The following EIF2AK3 variants were observed in gnomAD, a reference collection of about 807,000 sequenced individuals.
The protein encoded by EIF2AK3 is eukaryotic translation initiation factor 2-alpha kinase 3.
EIF2AK3 carries 50 observed loss-of-function variants against 113.5 expected under a neutral mutation model. The observed-to-expected ratio is 0.44, with a 90% CI of 0.35 to 0.56. The LOEUF is 0.56. EIF2AK3 is among the 20% of genes least tolerant of loss of function. EIF2AK3 has a pLI of 0.00. For synonymous variants in EIF2AK3, 448 were observed against 495.4 expected, an observed-to-expected ratio of 0.90 and a Z score of 1.27; for missense variants, 1,185 against 1,378.0, an observed-to-expected ratio of 0.86 and a Z score of 2.22.
chr2:88,601,843 T>C (rs1325224267), intron 2 of EIF2AK3, among the ~76,000 whole-genome samples: 1 of 147,596 alleles, frequency 6.8e-6, no homozygotes, highest in Non-Finnish European at 1.5e-5. Flanking sequence ...TCTTTTTTTT[T>C]TTTTTTTTTT....
intron 12 of EIF2AK3, 152 bp downstream of exon 12, chr2:88,576,402 C>T: frequency 3.5e-6 from 4 of 1,147,864 alleles, no homozygotes; most frequent in East Asian, 2.6e-5. Context: ...ACCAAAATTT[C>T]ACAAGTGGCT....
At chr2:88,577,461 C>CT (rs199735400) in intron 11 of EIF2AK3, among the ~76,000 whole-genome samples, 1,691 of 139,298 alleles carry the variant, frequency 0.012, 13 homozygotes, top group Middle Eastern at 0.062. Context: ...TACAAGCTAT[C>CT]TTTTTTTTTT....
At chr2:88,562,418 A>G in intron 14 of EIF2AK3, 28 bp from the exon 15 acceptor site, 1 of 1,561,804 alleles carries the variant, frequency 6.4e-7, no homozygotes, top group Non-Finnish European at 8.8e-7. Flanking sequence ...GAAAATTTAA[A>G]AATTAACACA....
chr2:88,570,957 CT>C lies in EIF2AK3; in HGVS notation c.2901del (p.Glu968SerfsTer5), dbSNP rs1303485227. 1.9e-6 allele frequency: 3 copies of C among 1,614,182 alleles called. No individual in the cohort carries two copies. The highest frequency in any genetic ancestry group is 2.5e-6 in the Non-Finnish European group (3 of 1,180,032). On this transcript the variant is annotated frameshift_variant, in exon 14 of 17. Transcript: ENST00000303236. LOFTEE classifies it high-confidence loss of function. ...GLVTAMDQDE[E>X]EQTVLTPMPA... ...GGCATTGGGGTCAGAACCGTCTGCT[CT>C]TCCTCATCCTGGTCCATTGCAGTCA...
chr2:88,585,476 GGA>G (rs2104428664), intron 9 of EIF2AK3, among the ~76,000 whole-genome samples: 1 of 152,230 alleles, frequency 6.6e-6, no homozygotes, highest in South Asian at 2.1e-4. Context: ...GACCATCTAA[GGA>G]GAGTTTGTGG....
At chr2:88,559,612 G>A (rs1282657860) in intron 15 of EIF2AK3, among the ~76,000 whole-genome samples, 2 of 151,768 alleles carry the variant, frequency 1.3e-5, no homozygotes, top group Non-Finnish European at 2.9e-5. Context: ...GGGAGAGAGA[G>A]AGAGAGAAAG....
Position 88,590,498 on chromosome 2 carries a change from ATCT to A in EIF2AK3, c.1107_1109del (p.Glu369del). 1 of 1,613,926 alleles carries A rather than the reference ATCT, an allele frequency of 6.2e-7. No individual in the cohort carries two copies. The highest frequency in any genetic ancestry group is 1.1e-5 in the South Asian group (1 of 91,074). On this transcript the variant is annotated inframe_deletion, in exon 6 of 17. Transcript: ENST00000303236. ...TGGCAGCTTCTACAATGTCTTCTTC[ATCT>A]TCTAAAACATCATCATTAGATGTAT... is the stretch of plus-strand genomic sequence containing the variant.
At chr2:88,602,692 A>G (rs1675185121) in intron 2 of EIF2AK3, among the ~76,000 whole-genome samples, 1 of 152,210 alleles carries the variant, frequency 6.6e-6, no homozygotes, top group Non-Finnish European at 1.5e-5. Flanking sequence ...AAGATTGGGA[A>G]GATGTGAAAT....
chr2:88,625,711 G>A (rs867327868), intron 1 of EIF2AK3, among the ~76,000 whole-genome samples: 1 of 152,154 alleles, frequency 6.6e-6, no homozygotes, highest in Non-Finnish European at 1.5e-5. Context: ...TGAATTCTAA[G>A]AAAAAGAAAA....
chr2:88,620,753 C>G (rs1288636855), intron 1 of EIF2AK3, among the ~76,000 whole-genome samples: 1 of 152,206 alleles, frequency 6.6e-6, no homozygotes, highest in Non-Finnish European at 1.5e-5. Context: ...TTGCCACTTC[C>G]ATTCTTTTCA....
rs1158183293 is a variant in EIF2AK3 at position 88,557,401 on chromosome 2, A to AAAT, written c.*332_*334dup. On this transcript the variant is annotated 3_prime_UTR_variant, in exon 17 of 17. Coordinates refer to ENST00000303236, the MANE Select transcript of EIF2AK3 (RefSeq NM_004836.7). ...GGACTTTCCTTCTTCTGCATTATAA[A>AAAT]AATATATCCATTTTAGTTCTCACTA... is the stretch of plus-strand genomic sequence containing the variant. 7.4e-6 allele frequency: 2 copies of AAAT among 268,904 alleles called. No individual in the cohort carries two copies. Among genetic ancestry groups the AAAT allele is most frequent in the Non-Finnish European group, 1.4e-5 (2 of 138,950 alleles). 16.7% of individuals were successfully genotyped at this position (268,904 alleles called of 1,614,324 possible). A position where few individuals can be genotyped will look rare whatever the true frequency, so the allele number is the denominator to read the frequency against.
intron 1 of EIF2AK3, among the ~76,000 whole-genome samples, chr2:88,617,926 C>A (rs1381721592): frequency 6.6e-6 from 1 of 152,152 alleles, no homozygotes; most frequent in African/African-American, 2.4e-5. Context: ...CCTTTGTAAA[C>A]CCAACACTCA....
Position 88,557,481 on chromosome 2 carries a change from AAGCT to A in EIF2AK3, c.*251_*254del. On this transcript the variant is annotated 3_prime_UTR_variant, in exon 17 of 17. Transcript: ENST00000303236. Reference sequence around the variant, plus strand: ...CCTTAGGCAAATGGTGAGGGCTATAAAGCTTGGCCAGCAGCCAGTTTCAAGAGAC... The same window carrying A: ...CCTTAGGCAAATGGTGAGGGCTATAATGGCCAGCAGCCAGTTTCAAGAGAC... 1.9e-6 allele frequency: 1 copy of A among 526,534 alleles called. No individual in the cohort carries two copies. Among genetic ancestry groups the A allele is most frequent in the Non-Finnish European group, 3.4e-6 (1 of 293,174 alleles). 32.6% of individuals were successfully genotyped at this position (526,534 alleles called of 1,614,324 possible). A position where few individuals can be genotyped will look rare whatever the true frequency, so the allele number is the denominator to read the frequency against.
At chr2:88,603,005 G>T (rs1356631181) in intron 2 of EIF2AK3, among the ~76,000 whole-genome samples, 1 of 151,960 alleles carries the variant, frequency 6.6e-6, no homozygotes, top group Non-Finnish European at 1.5e-5. Context: ...ATGCTAAATT[G>T]TTGACTTTTT....
At chr2:88,617,261 C>T (rs921654857) in intron 1 of EIF2AK3, among the ~76,000 whole-genome samples, 4 of 152,108 alleles carry the variant, frequency 2.6e-5, no homozygotes, top group Admixed American at 6.5e-5. Flanking sequence ...CAGCAGTAAA[C>T]TGGATAAAGA....
At chr2:88,621,896 A>ATTT (rs34216518) in intron 1 of EIF2AK3, among the ~76,000 whole-genome samples, 6,491 of 133,232 alleles carry the variant, frequency 0.049, 301 homozygotes, top group Non-Finnish European at 0.06. Context: ...TTATTCTATA[A>ATTT]TTTTTTTTTT....
chr2:88,606,808 G>A (rs1469832956), intron 2 of EIF2AK3, among the ~76,000 whole-genome samples: 1 of 152,124 alleles, frequency 6.6e-6, no homozygotes, highest in East Asian at 1.9e-4. Context: ...AGGGGGAGGA[G>A]GCTGGAGAGC....
At chr2:88,591,575 G>A (rs1324790498) in intron 4 of EIF2AK3, among the ~76,000 whole-genome samples, 1 of 152,220 alleles carries the variant, frequency 6.6e-6, no homozygotes, top group East Asian at 1.9e-4. Context: ...CCCAATCTTG[G>A]ATCTCCACTG....
rs1674726018 is a variant in EIF2AK3, at chr2:88,586,137, C to T, written c.1430-76G>A. ...CCCGTCTTTAACTATTAAAATTTAT[C>T]CATTTTCCTGTGACTTATCACATTA... On this transcript the variant is annotated intron_variant, in intron 8 of 16. Coordinates refer to ENST00000303236, the MANE Select transcript of EIF2AK3 (RefSeq NM_004836.7). 6 of 1,193,284 alleles carry T rather than the reference C, an allele frequency of 5.0e-6. No individual in the cohort carries two copies. The South Asian group carries it at 7.6e-5, about 15-fold the overall frequency. 73.9% of individuals were successfully genotyped at this position (1,193,284 alleles called of 1,614,324 possible). A position where few individuals can be genotyped will look rare whatever the true frequency, so the allele number is the denominator to read the frequency against.
Sources: gnomAD v4.1 joint callset for allele counts (sites outside exome capture counted in the v4.1 genomes callset) on GRCh38, gnomAD v4.1.1 for gene constraint, MANE v1.5 for transcripts, NCBI Gene and HGNC (gene_info 2026-07-23, HGNC 2026-07-21) for gene names.